Variants in RBFOX1 observed in about 807,000 individuals in gnomAD.
RBFOX1 encodes the protein RNA binding fox-1 homolog 1.
RBFOX1 carries 8 observed loss-of-function variants against 57.7 expected under a neutral mutation model. The ratio of observed to expected loss-of-function variants is 0.14; its 90% CI spans 0.08 to 0.25. RBFOX1 has a LOEUF of 0.25. Among genes scored for constraint, RBFOX1 ranks in the 10% least tolerant of loss-of-function variants. RBFOX1 has a pLI of 1.00. For missense variants in RBFOX1, 611 were observed against 548.5 expected, an observed-to-expected ratio of 1.11 and a Z score of -1.14; for synonymous variants, 326 against 222.4, an observed-to-expected ratio of 1.47 and a Z score of -4.15.
At chr16:7,297,878 T>G (rs1049659497) in intron 4 of RBFOX1, among the ~76,000 whole-genome samples, 1 of 152,266 alleles carries the variant, frequency 6.6e-6, no homozygotes, top group South Asian at 2.1e-4. Context: ...TGGATTGATT[T>G]ATTTGTTTCC....
chr16:7,154,590 G>A lies in RBFOX1; in HGVS notation c.27+102492G>A, dbSNP rs148182706. Among the ~76,000 whole-genome samples the A allele has an allele frequency of 4.3e-3, 655 of 152,084 alleles. 6 individuals carry two copies. The highest frequency in any genetic ancestry group is 0.015 in the African/African-American group (633 of 41,464). On this transcript the variant is annotated intron_variant, in intron 4 of 15. Transcript: ENST00000550418. The stretch of plus-strand genomic sequence containing the variant: ...AAACTATTTATATTTAAACTTGAAG[G>A]CATTTAGAAGATACTGAAAATAGTG...
chr16:7,019,990 T>C lies in RBFOX1; in HGVS notation c.-15-32067T>C, dbSNP rs113083563. 1.7e-4 allele frequency among the ~76,000 whole-genome samples: 26 copies of C among 151,930 alleles called. No homozygotes were observed. In the South Asian group the frequency reaches 2.1e-3, roughly 12 times the overall value. ...TCTTCTGGCTCTCTCTTTTTTTTTTTTTTCTCTGATGAAGTGCTGCTACCC... is the reference window on the plus strand; with the variant it reads ...TCTTCTGGCTCTCTCTTTTTTTTTTCTTTCTCTGATGAAGTGCTGCTACCC... On this transcript the variant is annotated intron_variant, in intron 3 of 15. Coordinates refer to ENST00000550418, the MANE Select transcript of RBFOX1 (RefSeq NM_018723.4).
At chr16:5,543,407 T>G (rs1220735215) in intron 2 of RBFOX1, among the ~76,000 whole-genome samples, 2 of 152,022 alleles carry the variant, frequency 1.3e-5, no homozygotes, top group African/African-American at 4.8e-5. Flanking sequence ...TGGGGTGAAA[T>G]CAACGGCGGA....
At chr16:7,315,894 T>G (rs535276641) in intron 4 of RBFOX1, among the ~76,000 whole-genome samples, 1 of 152,298 alleles carries the variant, frequency 6.6e-6, no homozygotes, top group East Asian at 1.9e-4. Flanking sequence ...TACATATATC[T>G]TTGATGGGTT....
At chr16:7,097,382 T>G (rs2061881225) in intron 4 of RBFOX1, among the ~76,000 whole-genome samples, 1 of 152,066 alleles carries the variant, frequency 6.6e-6, no homozygotes, top group Non-Finnish European at 1.5e-5. Context: ...TAGAGTTGCT[T>G]GCATCAACCC....
intron 3 of RBFOX1, chr16:5,867,174 G>GTGTGT: frequency 2.4e-6 from 1 of 412,926 alleles, no homozygotes; most frequent in Non-Finnish European, 4.1e-6. Context: ...GTGTGTGTGT[G>GTGTGT]GTGTGTGTTG....
chr16:7,041,412 A>C (rs76104501), intron 3 of RBFOX1, among the ~76,000 whole-genome samples: 14,345 of 152,106 alleles, frequency 0.094, 1,107 homozygotes, highest in East Asian at 0.32. Context: ...TTCAATTCCT[A>C]ATGTAGATGA....
chr16:7,234,420 A>G (rs2093663112), intron 4 of RBFOX1, among the ~76,000 whole-genome samples: 1 of 152,154 alleles, frequency 6.6e-6, no homozygotes, highest in Non-Finnish European at 1.5e-5. Context: ...TTTGGGAGGT[A>G]AAAGCTAACA....
intron 1 of RBFOX1, among the ~76,000 whole-genome samples, chr16:5,396,549 C>T (rs992650866): frequency 6.6e-6 from 1 of 152,052 alleles, no homozygotes; most frequent in African/African-American, 2.4e-5. Flanking sequence ...GGCTGAGGCA[C>T]AAGAATCACT....
At chr16:5,378,576 G>T (rs2066049966) in intron 1 of RBFOX1, among the ~76,000 whole-genome samples, 1 of 151,556 alleles carries the variant, frequency 6.6e-6, no homozygotes, top group Non-Finnish European at 1.5e-5. Context: ...GTTATACCTG[G>T]GAATGCAGGC....
intron 4 of RBFOX1, among the ~76,000 whole-genome samples, chr16:7,107,157 GA>G (rs1304484138): frequency 6.6e-6 from 1 of 152,146 alleles, no homozygotes; most frequent in East Asian, 1.9e-4. Flanking sequence ...TATCCAGGGA[GA>G]ACAGAAAGTG....
intron 4 of RBFOX1, among the ~76,000 whole-genome samples, chr16:7,152,567 G>A (rs1055190686): frequency 1.3e-5 from 2 of 152,108 alleles, no homozygotes; most frequent in African/African-American, 2.4e-5. Flanking sequence ...AGGCAGTTAG[G>A]TTCACTGGAT....
chr16:5,427,775 GC>G (rs757671822), intron 1 of RBFOX1, among the ~76,000 whole-genome samples: 26 of 152,186 alleles, frequency 1.7e-4, no homozygotes, highest in Non-Finnish European at 3.4e-4. Flanking sequence ...ATTGGATGGG[GC>G]CCACCCACAT....
intron 1 of RBFOX1, among the ~76,000 whole-genome samples, chr16:5,429,192 A>G (rs1484922648): frequency 6.6e-6 from 1 of 152,174 alleles, no homozygotes; most frequent in African/African-American, 2.4e-5. Flanking sequence ...GCCTTTACAT[A>G]ATGATCTATC....
chr16:6,644,247 T>A (rs1337425435), intron 2 of RBFOX1, among the ~76,000 whole-genome samples: 1 of 152,230 alleles, frequency 6.6e-6, no homozygotes, highest in Admixed American at 6.5e-5. Flanking sequence ...ATAGGCAATG[T>A]AAGCATGCAT....
chr16:5,608,257 C>T lies in RBFOX1; in HGVS notation c.318+9296C>T, dbSNP rs373376018. Among the ~76,000 whole-genome samples the T allele has an allele frequency of 3.9e-5, 6 of 152,172 alleles. No homozygotes were observed. The East Asian group carries it at 9.6e-4, about 24-fold the overall frequency. On this transcript the variant is annotated intron_variant, in intron 3 of 19. Coordinates refer to the RBFOX1 transcript ENST00000641259. ...CACGGAGGGGCACTTTGAGTCTCAG[C>T]TGACTGGGTCAGTGTTGCAAGGGTG...
intron 11 of RBFOX1, among the ~76,000 whole-genome samples, chr16:7,635,838 T>G (rs2061666063): frequency 6.6e-6 from 1 of 151,970 alleles, no homozygotes; most frequent in Non-Finnish European, 1.5e-5. Flanking sequence ...TGAGATGGAG[T>G]CTTGCTCTGT....
At chr16:5,404,612 C>T (rs1393973750) in intron 1 of RBFOX1, among the ~76,000 whole-genome samples, 1 of 152,254 alleles carries the variant, frequency 6.6e-6, no homozygotes, top group African/African-American at 2.4e-5. Context: ...CTGATGGTTC[C>T]CACGTTAGCT....
intron 3 of RBFOX1, among the ~76,000 whole-genome samples, chr16:5,752,209 G>T (rs2053232930): frequency 6.6e-6 from 1 of 152,188 alleles, no homozygotes; most frequent in Admixed American, 6.5e-5. Flanking sequence ...CTTAGAAGTG[G>T]TAGCTGAATG....
Sources: allele counts gnomAD v4.1 joint callset (sites outside exome capture counted in the v4.1 genomes callset), GRCh38; gene constraint gnomAD v4.1.1; transcripts MANE v1.5; gene names NCBI Gene and HGNC (gene_info 2026-07-23, HGNC 2026-07-21).